The following NTNG1 variants were observed in gnomAD, a reference collection of about 807,000 sequenced individuals.
NTNG1 encodes netrin G1.
In NTNG1, 16 loss-of-function variants were observed where a neutral mutation model predicts 54.0. The observed-to-expected ratio is 0.30, with a 90% CI of 0.20 to 0.45. The LOEUF (loss-of-function observed/expected upper bound fraction) is 0.45, where lower values mean the gene tolerates loss of function less well. Among genes scored for constraint, NTNG1 ranks in the 20% least tolerant of loss-of-function variants. NTNG1 has a pLI of 1.00. For synonymous variants in NTNG1, 255 were observed against 263.1 expected, an observed-to-expected ratio of 0.97 and a Z score of 0.30; for missense variants, 530 against 678.7, an observed-to-expected ratio of 0.78 and a Z score of 2.43.
intron 3 of NTNG1, among the ~76,000 whole-genome samples, chr1:107,341,807 T>C (rs1302743746): frequency 6.6e-6 from 1 of 152,094 alleles, no homozygotes; most frequent in African/African-American, 2.4e-5. Flanking sequence ...GAATTTTTAG[T>C]TCTATTTCTC....
intron 2 of NTNG1, among the ~76,000 whole-genome samples, chr1:107,286,361 C>T (rs17018707): frequency 0.042 from 6,319 of 152,218 alleles, 160 homozygotes; most frequent in Middle Eastern, 0.068. Context: ...AGTCATTTCA[C>T]TCCTGCCACC....
chr1:107,389,285 T>C (rs764758027), intron 3 of NTNG1, among the ~76,000 whole-genome samples: 4 of 152,210 alleles, frequency 2.6e-5, no homozygotes, highest in Non-Finnish European at 5.9e-5. Context: ...CATGTTTTTC[T>C]TCACAAAGGG....
At chr1:107,462,830 C>T (rs1307950562) in intron 7 of NTNG1, among the ~76,000 whole-genome samples, 2 of 152,240 alleles carry the variant, frequency 1.3e-5, no homozygotes, top group Admixed American at 6.5e-5. Context: ...ATCTTCAAAA[C>T]TGCCTTACAG....
intron 2 of NTNG1, among the ~76,000 whole-genome samples, chr1:107,203,020 C>T (rs552858490): frequency 6.6e-6 from 1 of 151,668 alleles, no homozygotes. Flanking sequence ...TTAATATATC[C>T]ACACTTTTTA....
chr1:107,174,723 T>C (rs1656509167), intron 2 of NTNG1, among the ~76,000 whole-genome samples: 1 of 152,088 alleles, frequency 6.6e-6, no homozygotes, highest in Admixed American at 6.6e-5. Context: ...AGAACTACTT[T>C]TGGAGATGAA....
chr1:107,429,410 T>C (rs1675113780), intron 5 of NTNG1, among the ~76,000 whole-genome samples: 1 of 152,130 alleles, frequency 6.6e-6, no homozygotes, highest in South Asian at 2.1e-4. Flanking sequence ...CAACACTTAC[T>C]CATTTTTACT....
intron 2 of NTNG1, among the ~76,000 whole-genome samples, chr1:107,291,328 A>C (rs1452060690): frequency 6.6e-6 from 1 of 152,116 alleles, no homozygotes; most frequent in Non-Finnish European, 1.5e-5. Context: ...TGTGTAACCA[A>C]TTCTTTATTT....
intron 4 of NTNG1, among the ~76,000 whole-genome samples, chr1:107,403,024 G>A (rs529527194): frequency 1.3e-5 from 2 of 152,112 alleles, no homozygotes; most frequent in East Asian, 3.9e-4. Flanking sequence ...TTCTGAAGAG[G>A]AGGGTATTTA....
intron 4 of NTNG1, among the ~76,000 whole-genome samples, chr1:107,406,291 A>G (rs1339376897): frequency 6.6e-6 from 1 of 152,178 alleles, no homozygotes; most frequent in African/African-American, 2.4e-5. Context: ...TTGTTCAAAG[A>G]TAAATACTAA....
At chr1:107,267,897 A>G (rs1443677149) in intron 2 of NTNG1, among the ~76,000 whole-genome samples, 1 of 152,198 alleles carries the variant, frequency 6.6e-6, no homozygotes. Context: ...CCCACTTTCC[A>G]CAAATTCTCA....
chr1:107,194,012 T>C (rs1658145907), intron 2 of NTNG1, among the ~76,000 whole-genome samples: 1 of 152,022 alleles, frequency 6.6e-6, no homozygotes, highest in African/African-American at 2.4e-5. Flanking sequence ...TCACCATTTA[T>C]CTAATGATTT....
At chr1:107,202,901 A>G (rs1658867263) in intron 2 of NTNG1, among the ~76,000 whole-genome samples, 2 of 151,924 alleles carry the variant, frequency 1.3e-5, no homozygotes, top group Non-Finnish European at 2.9e-5. Context: ...TAGAGTATGT[A>G]ATATTTTGAG....
chr1:107,471,930 G>A (rs1475007863), intron 7 of NTNG1, among the ~76,000 whole-genome samples: 4 of 152,174 alleles, frequency 2.6e-5, no homozygotes. Flanking sequence ...GTATACTTAG[G>A]TTGTGTTTTA....
At chr1:107,442,409 C>T (rs375017050) in intron 7 of NTNG1, among the ~76,000 whole-genome samples, 13 of 152,004 alleles carry the variant, frequency 8.6e-5, no homozygotes, top group African/African-American at 3.1e-4. Context: ...CAATAGACTA[C>T]CTATAAAAAA....
rs376821365 is a variant in NTNG1 at position 107,320,806 on chromosome 1, C to T, written c.247-3476C>T. On this transcript the variant is annotated intron_variant, in intron 2 of 7. Transcript: ENST00000370068. Reference sequence around the variant, plus strand: ...TTAATAGCCATCAAATCACTAATCTCCTAAAAGAGCACGAGTGTTATGAAA... The same window carrying T: ...TTAATAGCCATCAAATCACTAATCTTCTAAAAGAGCACGAGTGTTATGAAA... 1.7e-3 allele frequency among the ~76,000 whole-genome samples: 253 copies of T among 151,970 alleles called. 1 individual carries two copies. The highest frequency in any genetic ancestry group is 0.014 in the Middle Eastern group (4 of 294).
chr1:107,160,092 G>C (rs930752973), intron 2 of NTNG1, among the ~76,000 whole-genome samples: 2 of 152,114 alleles, frequency 1.3e-5, no homozygotes, highest in African/African-American at 2.4e-5. Context: ...GTTTTTTACA[G>C]TATCAATAAC....
intron 2 of NTNG1, among the ~76,000 whole-genome samples, chr1:107,245,079 G>A (rs1184495272): frequency 6.6e-6 from 1 of 152,132 alleles, no homozygotes; most frequent in Non-Finnish European, 1.5e-5. Flanking sequence ...AGACCCATAA[G>A]TGTTCATCTT....
At chr1:107,173,004 G>T (rs1161086788) in intron 2 of NTNG1, among the ~76,000 whole-genome samples, 1 of 152,064 alleles carries the variant, frequency 6.6e-6, no homozygotes, top group Non-Finnish European at 1.5e-5. Context: ...TGACTTTTCT[G>T]TTTCCAGATT....
chr1:107,327,239 C>T (rs1160842916), intron 3 of NTNG1, among the ~76,000 whole-genome samples: 1 of 152,114 alleles, frequency 6.6e-6, no homozygotes, highest in Non-Finnish European at 1.5e-5. Flanking sequence ...GCACTAGGCA[C>T]CAGATGGCTG....
Sources: allele counts gnomAD v4.1 joint callset (sites outside exome capture counted in the v4.1 genomes callset), GRCh38; gene constraint gnomAD v4.1.1; transcripts MANE v1.5; gene names NCBI Gene and HGNC (gene_info 2026-07-23, HGNC 2026-07-21).